COQ8A: variants seen among roughly 807,000 people sequenced by gnomAD.
COQ8A encodes coenzyme Q8A.
Under a neutral mutation model 65.0 loss-of-function variants are expected in COQ8A, and 51 were observed. The observed-to-expected ratio is 0.78, with a 90% confidence interval of 0.63 to 0.99. COQ8A has a LOEUF of 0.99. Ranked by LOEUF, COQ8A falls within the 50% of genes least tolerant of loss-of-function variation. The pLI, the probability that COQ8A is intolerant of heterozygous loss-of-function variation, is 0.00. For synonymous variants in COQ8A, 371 were observed against 353.2 expected, an observed-to-expected ratio of 1.05 and a Z score of -0.57; for missense variants, 940 against 875.0, an observed-to-expected ratio of 1.07 and a Z score of -0.94.
intron 1 of COQ8A, among the ~76,000 whole-genome samples, chr1:226,951,231 A>G (rs777813271): frequency 6.6e-6 from 1 of 152,172 alleles, no homozygotes; most frequent in Non-Finnish European, 1.5e-5. Flanking sequence ...AAGGAGGCTG[A>G]GAAAGTGGAG....
chr1:226,985,207 C>G, intron 13 of COQ8A, 47 bp from the exon 14 acceptor site: 1 of 1,595,974 alleles, frequency 6.3e-7, no homozygotes, highest in South Asian at 1.1e-5. Context: ...ATGTCGGGAG[C>G]TGAGCTTTTC....
rs114528190 is a variant in COQ8A at position 226,972,230 on chromosome 1, A to C, written c.656-5219A>C. On this transcript the variant is annotated intron_variant, in intron 4 of 14. Coordinates refer to ENST00000366777, the MANE Select transcript of COQ8A (RefSeq NM_020247.5). The surrounding 1 kb of genome is among the most constrained non-coding windows in gnomAD (Gnocchi z 4.3). ...TGGTTCCTGGGGCCTTCACACAGGA[A>C]CTTACAATCCACATCATTAAGGCAG... Among the ~76,000 whole-genome samples, 919 of 152,258 alleles carry C rather than the reference A, an allele frequency of 6.0e-3. 10 individuals carry two copies. Among genetic ancestry groups the C allele is most frequent in the African/African-American group, 0.021 (862 of 41,542 alleles).
chr1:226,976,751 C>G (rs1049561036), intron 4 of COQ8A, among the ~76,000 whole-genome samples: 5 of 152,214 alleles, frequency 3.3e-5, no homozygotes, highest in Non-Finnish European at 7.4e-5. Flanking sequence ...GTTAGTGGAC[C>G]TTGATTCGGA....
Position 226,985,349 on chromosome 1 carries a change from G to C in COQ8A, c.1659+9G>C. The stretch of plus-strand genomic sequence containing the variant: ...CCGGCTACGAGGTCAAGGTGAGCAG[G>C]GTTGCGGGGGATCCCCTGGGCCTGC... On this transcript the variant is annotated intron_variant, in intron 14 of 14. Coordinates refer to ENST00000366777, the MANE Select transcript of COQ8A (RefSeq NM_020247.5). 1.2e-6 allele frequency: 2 copies of C among 1,613,254 alleles called. No individual in the cohort carries two copies. Among genetic ancestry groups the C allele is most frequent in the Non-Finnish European group, 8.5e-7 (1 of 1,179,896 alleles).
intron 1 of COQ8A, among the ~76,000 whole-genome samples, chr1:226,951,310 T>TGGAG (rs1391882084): frequency 6.6e-6 from 1 of 151,970 alleles, no homozygotes; most frequent in Non-Finnish European, 1.5e-5. Context: ...ACCAACAACG[T>TGGAG]GGAGGGGAAT....
intron 4 of COQ8A, among the ~76,000 whole-genome samples, chr1:226,970,582 T>C (rs1344841236): frequency 6.6e-6 from 1 of 152,258 alleles, no homozygotes; most frequent in African/African-American, 2.4e-5. Flanking sequence ...GTTCTCTCTT[T>C]GTTAGCTCTT....
chr1:226,972,579 G>C lies in COQ8A; in HGVS notation c.656-4870G>C, dbSNP rs1156808989. Among the ~76,000 whole-genome samples the C allele has an allele frequency of 1.3e-5, 2 of 152,120 alleles. No individual in the cohort carries two copies. Among genetic ancestry groups the C allele is most frequent in the African/African-American group, 4.8e-5 (2 of 41,414 alleles). On this transcript the variant is annotated intron_variant, in intron 4 of 14. Transcript: ENST00000366777. The surrounding 1 kb of genome is among the most constrained non-coding windows in gnomAD (Gnocchi z 4.3). ...GTAACTCTCTTATGTTAGAAAACAG[G>C]CATTGCTTAGGCTGTTGGCTCTTGT...
At chr1:226,982,181 C>A (rs1039144749) in intron 6 of COQ8A, 32 bp downstream of exon 6, 1 of 1,549,128 alleles carries the variant, frequency 6.5e-7, no homozygotes, top group African/African-American at 1.4e-5. Context: ...TGCCCCGGGA[C>A]TGCGTGGGCT....
chr1:226,963,399 A>G (rs1658372128), intron 2 of COQ8A, among the ~76,000 whole-genome samples: 1 of 152,080 alleles, frequency 6.6e-6, no homozygotes, highest in South Asian at 2.1e-4. Context: ...CATTCAGCAG[A>G]TACTTACTGA....
chr1:226,984,379 G>C (rs1289571447), intron 11 of COQ8A, 144 bp downstream of exon 11: 2 of 1,352,606 alleles, frequency 1.5e-6, no homozygotes, highest in Non-Finnish European at 2.1e-6. Context: ...GTGGGACTTA[G>C]GGGGACACAG....
chr1:226,945,379 A>G (rs1656975785), intron 1 of COQ8A, among the ~76,000 whole-genome samples: 1 of 152,150 alleles, frequency 6.6e-6, no homozygotes. Flanking sequence ...GGTCCTGGGG[A>G]CAGTCCACAT....
intron 14 of COQ8A, among the ~76,000 whole-genome samples, chr1:226,986,202 C>T (rs908996572): frequency 2.0e-5 from 3 of 152,074 alleles, no homozygotes; most frequent in Non-Finnish European, 2.9e-5. Flanking sequence ...ATGAGTGCCA[C>T]GAGGCGGGAC....
intron 5 of COQ8A, among the ~76,000 whole-genome samples, chr1:226,981,385 A>G (rs1659678222): frequency 6.6e-6 from 1 of 152,178 alleles, no homozygotes; most frequent in South Asian, 2.1e-4. Flanking sequence ...GAAAAAGGCC[A>G]CCTGCACCCT....
intron 6 of COQ8A, 63 bp downstream of exon 6, chr1:226,982,212 G>T (rs1659744545): frequency 6.5e-7 from 1 of 1,536,462 alleles, no homozygotes; most frequent in South Asian, 1.2e-5. Flanking sequence ...TCAACTTCCA[G>T]GGCCGGGAGC....
At chr1:226,958,741 C>T (rs1311678926) in intron 1 of COQ8A, among the ~76,000 whole-genome samples, 1 of 152,194 alleles carries the variant, frequency 6.6e-6, no homozygotes, top group African/African-American at 2.4e-5. Flanking sequence ...GGCTGCCCCT[C>T]CTCAGAGGAG....
chr1:226,974,176 G>A (rs1659056792), intron 4 of COQ8A, among the ~76,000 whole-genome samples: 1 of 152,186 alleles, frequency 6.6e-6, no homozygotes, highest in Non-Finnish European at 1.5e-5. Flanking sequence ...GGGCCTTGTG[G>A]GGGACTGGGC....
At chr1:226,966,095 A>T (rs559219176) in intron 4 of COQ8A, among the ~76,000 whole-genome samples, 28 of 152,226 alleles carry the variant, frequency 1.8e-4, no homozygotes, top group Non-Finnish European at 3.8e-4. Context: ...CCTCTCAGGA[A>T]GGAGGCTGGG....
chr1:226,973,380 A>T (rs2148086004), intron 4 of COQ8A, among the ~76,000 whole-genome samples: 1 of 152,302 alleles, frequency 6.6e-6, no homozygotes, highest in Admixed American at 6.5e-5. Context: ...ACAGATGAGG[A>T]AGCTGAGCCA....
At chr1:226,959,514 A>G (rs930823720) in intron 1 of COQ8A, among the ~76,000 whole-genome samples, 1 of 152,088 alleles carries the variant, frequency 6.6e-6, no homozygotes, top group African/African-American at 2.4e-5. Flanking sequence ...ACAGTAGGTC[A>G]GCGATATTTG....
Sources: gnomAD v4.1 joint callset for allele counts (sites outside exome capture counted in the v4.1 genomes callset) on GRCh38, gnomAD v4.1.1 for gene constraint, Gnocchi (gnomAD v3.1) non-coding constraint, MANE v1.5 for transcripts, NCBI Gene and HGNC (gene_info 2026-07-23, HGNC 2026-07-21) for gene names.